The following USP34 variants were observed in gnomAD, a reference collection of about 807,000 sequenced individuals.
USP34 encodes the protein ubiquitin carboxyl-terminal hydrolase 34.
In USP34, 70 loss-of-function variants were observed where a neutral mutation model predicts 460.3. The observed-to-expected ratio is 0.15, with a 90% CI of 0.13 to 0.19. The LOEUF (loss-of-function observed/expected upper bound fraction) is 0.19. Ranked by LOEUF, USP34 falls within the 10% of genes least tolerant of loss-of-function variation. USP34 has a pLI of 1.00. For synonymous variants in USP34, 1,647 were observed against 1,405.3 expected (o/e 1.17, Z -3.85); for missense variants, 3,985 against 4,236.2 (o/e 0.94, Z 1.65).
chr2:61,194,997 G>C (rs58394169), intron 75 of USP34, among the ~76,000 whole-genome samples: 59 of 151,430 alleles, frequency 3.9e-4, no homozygotes, highest in African/African-American at 1.4e-3. Flanking sequence ...GGTGACTCAC[G>C]CTGGTAATCC....
At chr2:61,354,985 T>C (rs1359208038) in intron 10 of USP34, among the ~76,000 whole-genome samples, 1 of 152,182 alleles carries the variant, frequency 6.6e-6, no homozygotes, top group African/African-American at 2.4e-5. Context: ...CCCTCTGTTG[T>C]TGCTGTATCC....
At chr2:61,223,594 A>C (rs1167830885) in intron 62 of USP34, 7 of 260,708 alleles carry the variant, frequency 2.7e-5, no homozygotes, top group Non-Finnish European at 2.9e-5. Flanking sequence ...TTTTGACATG[A>C]GACCCTTCAA....
intron 2 of USP34, among the ~76,000 whole-genome samples, chr2:61,412,283 A>C (rs903833239): frequency 2.8e-5 from 3 of 105,540 alleles, no homozygotes; most frequent in African/African-American, 1.0e-4. Context: ...AAAATACAAA[A>C]AGGAAAAAAA....
intron 2 of USP34, among the ~76,000 whole-genome samples, chr2:61,420,154 A>C (rs1435886454): frequency 2.0e-5 from 3 of 152,200 alleles, no homozygotes; most frequent in Admixed American, 6.5e-5. Flanking sequence ...AAAATTTTTT[A>C]GAAGGACTAA....
At chr2:61,272,768 A>G (rs1282769621) in intron 41 of USP34, among the ~76,000 whole-genome samples, 1 of 152,170 alleles carries the variant, frequency 6.6e-6, no homozygotes, top group African/African-American at 2.4e-5. Context: ...CCTTTTCAAT[A>G]AAGAATGCTA....
intron 2 of USP34, chr2:61,416,946 G>T: frequency 8.0e-7 from 1 of 1,242,272 alleles, no homozygotes; most frequent in East Asian, 2.4e-5. Flanking sequence ...TGACCCCACA[G>T]CCATCTGGGA....
chr2:61,326,134 T>C (rs1258942498), intron 20 of USP34, among the ~76,000 whole-genome samples: 5 of 150,608 alleles, frequency 3.3e-5, no homozygotes, highest in African/African-American at 1.2e-4. Flanking sequence ...CAGGGAAGAG[T>C]GCTGGTGAGT....
chr2:61,315,999 A>G (rs1690732575), intron 23 of USP34, among the ~76,000 whole-genome samples: 2 of 150,822 alleles, frequency 1.3e-5, no homozygotes, highest in Admixed American at 6.6e-5. Flanking sequence ...CAGGAGTTCG[A>G]GACCAGCCTG....
intron 43 of USP34, among the ~76,000 whole-genome samples, chr2:61,261,802 C>T (rs879317469): frequency 7.2e-5 from 11 of 151,930 alleles, no homozygotes; most frequent in Non-Finnish European, 1.3e-4. Flanking sequence ...AGAATCATAT[C>T]AAATTCTGTT....
intron 67 of USP34, among the ~76,000 whole-genome samples, chr2:61,215,878 G>A (rs1181610649): frequency 6.6e-6 from 1 of 152,128 alleles, no homozygotes; most frequent in Non-Finnish European, 1.5e-5. Flanking sequence ...AGCTTACACA[G>A]CTAGTGGCCA....
intron 27 of USP34, among the ~76,000 whole-genome samples, chr2:61,303,952 C>A (rs773590581): frequency 2.8e-4 from 43 of 152,144 alleles, no homozygotes; most frequent in Non-Finnish European, 4.7e-4. Context: ...GGCTGGAGTG[C>A]AATGGCATGA....
chr2:61,318,190 C>CAAAA (rs35751865), intron 22 of USP34, among the ~76,000 whole-genome samples: 3 of 108,170 alleles, frequency 2.8e-5, no homozygotes, highest in East Asian at 2.5e-4. Flanking sequence ...AAGCCCATCT[C>CAAAA]AAAAAAAAAA....
In USP34 at chr2:61,278,024, C is replaced by T. The variant is rs141626750; in HGVS notation, c.5433+141G>A. On this transcript the variant is annotated intron_variant, in intron 41 of 79. Transcript: ENST00000398571. ...TCCCCAGCCACATGGAACTCTGAGT[C>T]GAATTAAACCCTTTTCTTTTGTAAA... 1.1e-4 allele frequency: 123 copies of T among 1,081,060 alleles called. 1 individual carries two copies. Among genetic ancestry groups the T allele is most frequent in the Non-Finnish European group, 1.4e-4 (108 of 789,330 alleles). 67.0% of individuals were successfully genotyped at this position (1,081,060 alleles called of 1,614,324 possible).
intron 1 of USP34, among the ~76,000 whole-genome samples, chr2:61,443,107 T>C (rs1695013235): frequency 6.6e-6 from 1 of 151,678 alleles, no homozygotes; most frequent in African/African-American, 2.4e-5. Flanking sequence ...AAGTAAAAAG[T>C]AGAACAGAGG....
rs191707355 is a variant in USP34, at chr2:61,227,107, C to A, written c.7555G>T (p.Ala2519Ser). The A allele has an allele frequency of 1.0e-3, 1,638 of 1,613,520 alleles. 6 individuals are homozygous for A. The highest frequency in any genetic ancestry group is 7.3e-4 in the Non-Finnish European group (867 of 1,179,894). The change falls in exon 62 of 80, where the codon GCT becomes TCT. Residue 2519 changes from alanine (A) to serine (S), a missense_variant. Physicochemically the swap from Ala to Ser is moderately conservative, Grantham distance 99 (BLOSUM62 1). Around this residue, in one of 14 missense-constraint regions of USP34, gnomAD observed 604 missense variants for 684.8 expected, o/e 0.88. Transcript: ENST00000398571. ...YRPAALEKMI[A>S]LVALLVEQSR... ...TGTTCAACCAAAAGAGCAACTAAAGCTATCATCTTTTCAAGGGCAGCTGGC... is the reference window on the plus strand; with the variant it reads ...TGTTCAACCAAAAGAGCAACTAAAGATATCATCTTTTCAAGGGCAGCTGGC...
chr2:61,412,672 T>G (rs1156740861), intron 2 of USP34, among the ~76,000 whole-genome samples: 3 of 151,902 alleles, frequency 2.0e-5, no homozygotes, highest in African/African-American at 7.3e-5. Context: ...GATGACTGCT[T>G]GAACCCAGGA....
intron 10 of USP34, among the ~76,000 whole-genome samples, chr2:61,363,299 G>C (rs539869539): frequency 3.0e-4 from 46 of 152,252 alleles, no homozygotes; most frequent in African/African-American, 1.0e-3. Flanking sequence ...AAACAATTTG[G>C]TGCCTTCTCA....
intron 10 of USP34, among the ~76,000 whole-genome samples, chr2:61,352,969 G>T (rs533637403): frequency 6.6e-6 from 1 of 152,232 alleles, no homozygotes; most frequent in African/African-American, 2.4e-5. Context: ...CGAATCAGAT[G>T]TAAGTATCCT....
chr2:61,448,246 G>A (rs753708666), intron 1 of USP34, among the ~76,000 whole-genome samples: 4 of 152,236 alleles, frequency 2.6e-5, no homozygotes, highest in Non-Finnish European at 4.4e-5. Context: ...GGCCAAGGCA[G>A]GAGGACTGCT....
Sources: allele counts gnomAD v4.1 joint callset (sites outside exome capture counted in the v4.1 genomes callset), GRCh38; gene constraint gnomAD v4.1.1; regional missense constraint gnomAD v4.1.1; transcripts MANE v1.5; gene names NCBI Gene and HGNC (gene_info 2026-07-23, HGNC 2026-07-21).